ABCC1: variants seen among roughly 807,000 people sequenced by gnomAD.
The protein encoded by ABCC1 is ATP binding cassette subfamily C member 1 (ABCC1 blood group).
ABCC1 carries 83 observed loss-of-function variants against 172.9 expected under a neutral mutation model. That is an observed-to-expected ratio of 0.48 (90% CI 0.40 to 0.58). ABCC1 has a LOEUF of 0.58. Ranked by LOEUF, ABCC1 falls within the 20% of genes least tolerant of loss-of-function variation. The pLI is 0.00. For missense variants in ABCC1, 1,817 were observed against 2,002.7 expected (o/e 0.91, Z 1.77); for synonymous variants, 937 against 825.2 (o/e 1.14, Z -2.32).
intron 7 of ABCC1, among the ~76,000 whole-genome samples, chr16:16,037,680 T>C (rs937520797): frequency 2.0e-5 from 3 of 152,118 alleles, no homozygotes; most frequent in African/African-American, 4.8e-5. Context: ...GTGTGGTGCA[T>C]TGGATTCCCC....
upstream of ABCC1, among the ~76,000 whole-genome samples, chr16:15,949,227 G>A (rs1030306447): frequency 1.3e-5 from 2 of 151,554 alleles, no homozygotes; most frequent in Non-Finnish European, 2.9e-5. Context: ...ATGAAATGAG[G>A]GCACAGTTAA....
chr16:16,059,677 C>T (rs1051699223), intron 12 of ABCC1, among the ~76,000 whole-genome samples: 5 of 151,924 alleles, frequency 3.3e-5, no homozygotes, highest in Non-Finnish European at 5.9e-5. Context: ...TGGTGGTGCG[C>T]ACCTGTGGTC....
chr16:15,959,250 CT>C (rs1567273887), intron 1 of ABCC1, among the ~76,000 whole-genome samples: 1 of 152,198 alleles, frequency 6.6e-6, no homozygotes, highest in East Asian at 1.9e-4. Context: ...GTCTTTTTAC[CT>C]TTTTCCATTT....
chr16:16,129,427 T>G (rs2045584190), intron 26 of ABCC1, among the ~76,000 whole-genome samples: 1 of 152,072 alleles, frequency 6.6e-6, no homozygotes. Flanking sequence ...GGCAGATGGA[T>G]CACTTGAGCC....
At chr16:15,949,277 A>G (rs1208688584), upstream of ABCC1, among the ~76,000 whole-genome samples, 1 of 152,014 alleles carries the variant, frequency 6.6e-6, no homozygotes, top group African/African-American at 2.4e-5. Flanking sequence ...GGCTCCGTTC[A>G]CGTTATTTTC....
chr16:15,966,345 G>T (rs1555472812), intron 1 of ABCC1, among the ~76,000 whole-genome samples: 1 of 151,508 alleles, frequency 6.6e-6, no homozygotes, highest in Non-Finnish European at 1.5e-5. Flanking sequence ...CCAGGAGGCG[G>T]AGGTTGCAGT....
chr16:16,120,806 A>AG (rs1295572695), intron 23 of ABCC1, among the ~76,000 whole-genome samples: 2 of 151,872 alleles, frequency 1.3e-5, no homozygotes, highest in African/African-American at 4.8e-5. Flanking sequence ...AGGCCATCGG[A>AG]GGGGGGTGAC....
chr16:16,124,710 T>G, intron 24 of ABCC1, 79 bp from the exon 25 acceptor site: 1 of 1,593,992 alleles, frequency 6.3e-7, no homozygotes, highest in Non-Finnish European at 8.6e-7. Flanking sequence ...AGAATCCCCT[T>G]CCTCCCCCAA....
rs2046485428 is a variant in ABCC1 at position 15,976,104 on chromosome 16, A to G, written c.48+26305A>G. Among the ~76,000 whole-genome samples, 3 of 151,930 alleles carry G rather than the reference A, an allele frequency of 2.0e-5. No homozygotes were observed. The South Asian group carries it at 6.2e-4, about 32-fold the overall frequency. On this transcript the variant is annotated intron_variant, in intron 1 of 30. Transcript: ENST00000399410. The stretch of plus-strand genomic sequence containing the variant: ...AAAATGGTGAAATCCCGTCTCTACT[A>G]AAATATAAAATCAATCAGGCGTGGT...
intron 7 of ABCC1, among the ~76,000 whole-genome samples, chr16:16,039,259 GTGT>G (rs1377041335): frequency 2.4e-5 from 3 of 123,466 alleles, no homozygotes; most frequent in South Asian, 4.7e-4. Context: ...GTGTGTGTGT[GTGT>G]TTTCTTTTTT....
Position 16,125,901 on chromosome 16 carries a change from C to T in ABCC1, c.3809C>T (p.Thr1270Ile). Residue 1270 changes from threonine to isoleucine, a missense_variant, in exon 26 of 31, where the codon ACT becomes ATT. Around this residue, in one of 3 missense-constraint regions of ABCC1, gnomAD observed 1,412 missense variants for 1,600.3 expected, o/e 0.88. Transcript: ENST00000399410. ...GAGAGGCTCAAGGAGTATTCAGAGACTGAGAAGGAGGTAGGCAAGGGCCCC... is the reference window on the plus strand; with the variant it reads ...GAGAGGCTCAAGGAGTATTCAGAGATTGAGAAGGAGGTAGGCAAGGGCCCC... ...AVERLKEYSE[T>I]EKEAPWQIQE... 6.2e-7 allele frequency: 1 copy of T among 1,613,752 alleles called. No individual in the cohort carries two copies. The highest frequency in any genetic ancestry group is 8.5e-7 in the Non-Finnish European group (1 of 1,179,870).
rs573170286 is a variant in ABCC1, at chr16:16,090,787, C to T, written c.2644+199C>T. ...GCAGCGCTGAACTGGGAGAGAGTCTCGGTGCTTTATGGCCAGGGGATGGGA... is the reference window on the plus strand; with the variant it reads ...GCAGCGCTGAACTGGGAGAGAGTCTTGGTGCTTTATGGCCAGGGGATGGGA... On this transcript the variant is annotated intron_variant, in intron 19 of 30. Transcript: ENST00000399410. Among the ~76,000 whole-genome samples, 9 of 152,260 alleles carry T rather than the reference C, an allele frequency of 5.9e-5. No individual in the cohort carries two copies. The East Asian group carries it at 1.5e-3, about 26-fold the overall frequency.
intron 9 of ABCC1, among the ~76,000 whole-genome samples, chr16:16,046,743 A>T (rs1375490125): frequency 6.6e-6 from 1 of 151,054 alleles, no homozygotes; most frequent in Non-Finnish European, 1.5e-5. Context: ...AAGGACCTAA[A>T]TTACCTTCTT....
intron 5 of ABCC1, 109 bp from the exon 6 acceptor site, chr16:16,033,000 C>A: frequency 9.3e-7 from 1 of 1,070,352 alleles, no homozygotes; most frequent in Non-Finnish European, 1.4e-6. Flanking sequence ...GACGCTAGTC[C>A]TCTGGAAGGA....
chr16:16,038,180 AGATGATGGATG>A (rs766387108), intron 7 of ABCC1, among the ~76,000 whole-genome samples: 3 of 152,042 alleles, frequency 2.0e-5, no homozygotes, highest in Non-Finnish European at 4.4e-5. Flanking sequence ...GATGATTGAT[AGATGATGGATG>A]GATGGATGGA....
rs762759641 is a variant in ABCC1 at position 16,122,158 on chromosome 16, A to G, written c.3574A>G (p.Ser1192Gly). ...CGAGAACCAGAAGGCCTATTACCCC[A>G]GCATCGTGGCCAACAGGTGGGCATG... is the stretch of plus-strand genomic sequence containing the variant. ...VDENQKAYYP[S>G]IVANRWLAVR... is the part of the protein sequence containing the mutation. Residue 1192 changes from serine to glycine, a missense_variant, in exon 24 of 31, where the codon AGC (serine) becomes GGC (glycine). Coordinates refer to ENST00000399410, the MANE Select transcript of ABCC1 (RefSeq NM_004996.4). The G allele has an allele frequency of 6.2e-7, 1 of 1,614,170 alleles. No homozygotes were observed. Among genetic ancestry groups the G allele is most frequent in the Non-Finnish European group, 8.5e-7 (1 of 1,180,028 alleles).
intron 1 of ABCC1, among the ~76,000 whole-genome samples, chr16:15,979,014 C>T (rs775140986): frequency 5.9e-4 from 89 of 151,940 alleles, no homozygotes; most frequent in Non-Finnish European, 1.1e-3. Context: ...TTTTTTTGGC[C>T]AGGCGTGGTG....
intron 9 of ABCC1, among the ~76,000 whole-genome samples, chr16:16,047,173 G>A (rs987580036): frequency 6.6e-5 from 10 of 152,146 alleles, no homozygotes; most frequent in Admixed American, 5.9e-4. Context: ...ATTCCGGCCT[G>A]TGTGACAGAA....
At position 16,009,890 on chromosome 16, in the gene ABCC1, G is replaced by A. The variant is rs1317900669; in HGVS notation, c.340G>A (p.Gly114Ser). 6.2e-7 allele frequency: 1 copy of A among 1,604,370 alleles called. No homozygotes were observed. Among genetic ancestry groups the A allele is most frequent in the South Asian group, 1.1e-5 (1 of 89,168 alleles). ...GTTTCTGGTCAGCCCAACTCTCTTG[G>A]GCATCACCATGGTAAGTAGGAGCTG... The part of the protein sequence containing the change: ...PVFLVSPTLL[G>S]ITMLLATFLI... The change falls in exon 3 of 31, where the codon GGC becomes AGC. Residue 114 changes from glycine (G) to serine (S), a missense_variant. Gly to Ser is a moderately conservative substitution (Grantham distance 56). Transcript: ENST00000399410.
Sources: gnomAD v4.1 joint callset for allele counts (sites outside exome capture counted in the v4.1 genomes callset) on GRCh38, gnomAD v4.1.1 for gene constraint, gnomAD v4.1.1 regional missense constraint, MANE v1.5 for transcripts, NCBI Gene and HGNC (gene_info 2026-07-23, HGNC 2026-07-21) for gene names.